The following NPAS3 variants were observed in gnomAD, a reference collection of about 807,000 sequenced individuals.
NPAS3 encodes neuronal PAS domain-containing protein 3.
A neutral mutation model predicts 73.1 loss-of-function variants in NPAS3; 14 were observed. The observed-to-expected ratio is 0.19, with a 90% confidence interval of 0.13 to 0.30. The LOEUF (loss-of-function observed/expected upper bound fraction) is 0.30, where lower values mean the gene tolerates loss of function less well. NPAS3 is among the 10% of genes least tolerant of loss of function. The probability of loss-of-function intolerance (pLI) is 1.00; values close to 1 mark genes in which losing one functional copy is unlikely to be tolerated. For missense variants in NPAS3, 1,096 were observed against 1,250.0 expected (o/e 0.88, Z 1.86); for synonymous variants, 620 against 541.5 (o/e 1.14, Z -2.01).
At chr14:33,562,790 A>T (rs543383198) in intron 5 of NPAS3, among the ~76,000 whole-genome samples, 1 of 152,240 alleles carries the variant, frequency 6.6e-6, no homozygotes, top group African/African-American at 2.4e-5. Flanking sequence ...GGTCCCCAAG[A>T]TACAACTCTT....
At chr14:33,435,302 C>T (rs1469731617) in intron 4 of NPAS3, among the ~76,000 whole-genome samples, 1 of 152,090 alleles carries the variant, frequency 6.6e-6, no homozygotes, top group Admixed American at 6.5e-5. Context: ...CTTAGCTAGC[C>T]TTAAATTGAA....
intron 4 of NPAS3, among the ~76,000 whole-genome samples, chr14:33,549,840 C>T (rs996073095): frequency 1.3e-5 from 2 of 152,128 alleles, no homozygotes; most frequent in African/African-American, 4.8e-5. Flanking sequence ...GTGTAATCAC[C>T]TTTTGATCTT....
chr14:33,528,623 C>T (rs1270209834), intron 4 of NPAS3, among the ~76,000 whole-genome samples: 1 of 152,000 alleles, frequency 6.6e-6, no homozygotes, highest in Non-Finnish European at 1.5e-5. Flanking sequence ...TAACCCAAGC[C>T]TCTTCCCAGC....
intron 2 of NPAS3, among the ~76,000 whole-genome samples, chr14:33,065,723 A>G (rs182471178): frequency 6.6e-6 from 1 of 151,852 alleles, no homozygotes; most frequent in African/African-American, 2.4e-5. Context: ...GCTTGTTCTC[A>G]TGTGTTACCA....
chr14:33,572,850 C>CT (rs2056274791), intron 5 of NPAS3, among the ~76,000 whole-genome samples: 1 of 151,916 alleles, frequency 6.6e-6, no homozygotes, highest in African/African-American at 2.4e-5. Context: ...TGGTGAAACC[C>CT]TGTCTCTACT....
At chr14:32,964,807 C>T (rs1187674195) in intron 1 of NPAS3, among the ~76,000 whole-genome samples, 2 of 129,500 alleles carry the variant, frequency 1.5e-5, no homozygotes, top group Non-Finnish European at 3.3e-5. Flanking sequence ...AGACCCCTGT[C>T]TCTACAAAAA....
intron 4 of NPAS3, among the ~76,000 whole-genome samples, chr14:33,437,766 T>C (rs138152693): frequency 1.4e-3 from 214 of 152,338 alleles, no homozygotes; most frequent in Non-Finnish European, 2.4e-3. Context: ...TATATTCACA[T>C]AGCCTTACAG....
At chr14:33,498,685 G>T (rs1374985391) in intron 4 of NPAS3, among the ~76,000 whole-genome samples, 1 of 140,106 alleles carries the variant, frequency 7.1e-6, no homozygotes, top group African/African-American at 2.9e-5. Context: ...ACTGTGGCCT[G>T]TTGGGGGATG....
chr14:33,175,822 A>G (rs910267346), intron 2 of NPAS3, among the ~76,000 whole-genome samples: 1 of 18,914 alleles, frequency 5.3e-5, no homozygotes, highest in Non-Finnish European at 4.4e-4. Context: ...TATTTGTAAA[A>G]CGTTATCATT....
chr14:33,742,333 T>G (rs1318944726), intron 7 of NPAS3, among the ~76,000 whole-genome samples: 1 of 152,172 alleles, frequency 6.6e-6, no homozygotes, highest in Non-Finnish European at 1.5e-5. Context: ...TACAGGCATA[T>G]CTTGGAGATA....
intron 4 of NPAS3, among the ~76,000 whole-genome samples, chr14:33,524,676 T>C (rs1462468985): frequency 6.6e-6 from 1 of 152,186 alleles, no homozygotes; most frequent in Non-Finnish European, 1.5e-5. Context: ...AAATGTGTTG[T>C]CTCAGAATTC....
At chr14:33,739,134 T>C (rs763635731) in intron 7 of NPAS3, among the ~76,000 whole-genome samples, 10 of 152,218 alleles carry the variant, frequency 6.6e-5, no homozygotes, top group African/African-American at 9.6e-5. Context: ...GGAGAAAAGC[T>C]GTCATGTTTA....
intron 3 of NPAS3, among the ~76,000 whole-genome samples, chr14:33,296,904 G>A (rs886653532): frequency 6.6e-6 from 1 of 152,138 alleles, no homozygotes; most frequent in African/African-American, 2.4e-5. Flanking sequence ...ACCTAGCTCT[G>A]TTCCTCTAAG....
chr14:33,069,166 G>A (rs2041391491), intron 2 of NPAS3, among the ~76,000 whole-genome samples: 1 of 152,198 alleles, frequency 6.6e-6, no homozygotes, highest in African/African-American at 2.4e-5. Context: ...ATAAAGAAGA[G>A]AGAGAGAAGT....
At chr14:33,197,090 G>T (rs1183711531) in intron 2 of NPAS3, among the ~76,000 whole-genome samples, 1 of 152,148 alleles carries the variant, frequency 6.6e-6, no homozygotes, top group Non-Finnish European at 1.5e-5. Flanking sequence ...CTTGCTCTTT[G>T]CCCTTATGGA....
At chr14:33,353,472 G>A (rs1164223721) in intron 3 of NPAS3, among the ~76,000 whole-genome samples, 2 of 152,184 alleles carry the variant, frequency 1.3e-5, no homozygotes. Flanking sequence ...GCCATGGCAA[G>A]AGATACAAAG....
At chr14:33,272,863 T>A (rs2041157691) in intron 3 of NPAS3, among the ~76,000 whole-genome samples, 1 of 152,230 alleles carries the variant, frequency 6.6e-6, no homozygotes, top group South Asian at 2.1e-4. Flanking sequence ...CTGACAGTTT[T>A]GCTTAAAAAA....
At chr14:33,428,998 A>T (rs1455718854) in intron 4 of NPAS3, among the ~76,000 whole-genome samples, 2 of 152,112 alleles carry the variant, frequency 1.3e-5, no homozygotes, top group Non-Finnish European at 2.9e-5. Flanking sequence ...GGAGGTTGGA[A>T]ATTACATCCT....
chr14:33,716,947 A>G (rs2060973473), intron 6 of NPAS3, among the ~76,000 whole-genome samples: 1 of 152,036 alleles, frequency 6.6e-6, no homozygotes, highest in Non-Finnish European at 1.5e-5. Context: ...TCTTTTGAAA[A>G]GTGTTGTGTT....
Sources: allele counts gnomAD v4.1 joint callset (sites outside exome capture counted in the v4.1 genomes callset), GRCh38; gene constraint gnomAD v4.1.1; transcripts MANE v1.5; gene names NCBI Gene and HGNC (gene_info 2026-07-23, HGNC 2026-07-21).